SHANK1: variants seen among roughly 807,000 people sequenced by gnomAD.
SHANK1 encodes the protein SH3 and multiple ankyrin repeat domains 1, also known as SH3 and multiple ankyrin repeat domains protein 1.
A neutral mutation model predicts 165.6 loss-of-function variants in SHANK1; 35 were observed. That is an observed-to-expected ratio of 0.21 (90% CI 0.16 to 0.28). The LOEUF is 0.28. Ranked by LOEUF, SHANK1 falls within the 10% of genes least tolerant of loss-of-function variation. The probability of loss-of-function intolerance (pLI) is 1.00; values close to 1 mark genes in which losing one functional copy is unlikely to be tolerated. For missense variants in SHANK1, 2,681 were observed against 3,036.4 expected (o/e 0.88, Z 2.75); for synonymous variants, 1,428 against 1,384.8 (o/e 1.03, Z -0.69).
In SHANK1 at chr19:50,693,078, G is replaced by A. The variant is rs184898331; in HGVS notation, c.1965-3799C>T. On this transcript the variant is annotated intron_variant, in intron 15 of 23. Coordinates refer to ENST00000293441, the MANE Select transcript of SHANK1 (RefSeq NM_016148.5). Reference sequence around the variant, plus strand: ...TTCCTGGGTACCCTCTTTTGCATCCGTGGAAACCTCCACCTATTTCTGCCC... The same window carrying A: ...TTCCTGGGTACCCTCTTTTGCATCCATGGAAACCTCCACCTATTTCTGCCC... 6.0e-3 allele frequency among the ~76,000 whole-genome samples: 847 copies of A among 141,664 alleles called. 4 individuals are homozygous for A. Among genetic ancestry groups the A allele is most frequent in the South Asian group, 0.012 (55 of 4,480 alleles). 92.9% of individuals were successfully genotyped at this position (141,664 alleles called of 152,430 possible).
chr19:50,670,598 G>C lies in SHANK1; in HGVS notation c.2675-1313C>G, dbSNP rs1985752508. ...TCACCATGACTCCCCAGACCCTGCA[G>C]GATCGGGACCCTGTCCCCCCACTGC... On this transcript the variant is annotated intron_variant, in intron 22 of 23. Transcript: ENST00000293441. The surrounding 1 kb of genome is among the most constrained non-coding windows in gnomAD (Gnocchi z 4.1). Among the ~76,000 whole-genome samples, 1 of 152,078 alleles carries C rather than the reference G, an allele frequency of 6.6e-6. No individual in the cohort carries two copies. The highest frequency in any genetic ancestry group is 1.5e-5 in the Non-Finnish European group (1 of 68,022).
rs2089071617 is a variant in SHANK1 at position 50,716,520 on chromosome 19, A to G, written c.256-42T>C. On this transcript the variant is annotated intron_variant, in intron 2 of 23. Transcript: ENST00000293441. The surrounding 1 kb of genome is among the most constrained non-coding windows in gnomAD (Gnocchi z 8.4). The stretch of plus-strand genomic sequence containing the variant: ...TAGGGGCTAGGGTGGGCCAGGGGCC[A>G]GAGGAGAGCCTGAGGTGGGTTGGGA... The G allele has an allele frequency of 1.2e-6, 2 of 1,606,812 alleles. No individual in the cohort carries two copies. Among genetic ancestry groups the G allele is most frequent in the East Asian group, 2.2e-5 (1 of 44,754 alleles).
At position 50,713,770 on chromosome 19, in the gene SHANK1, C is replaced by A. The variant is rs772785292; in HGVS notation, c.792+28G>T. ...GGGAAAAGGAGAGAGGGCCCCATGG[C>A]GGGGATGGGGGGTCCCCGAAGCCTC... is the stretch of plus-strand genomic sequence containing the variant. On this transcript the variant is annotated intron_variant, in intron 6 of 23. Transcript: ENST00000293441. This position sits in a 1 kb window ranked among gnomAD's most constrained non-coding sequence, Gnocchi z 6.2. 6.2e-7 allele frequency: 1 copy of A among 1,609,700 alleles called. No individual in the cohort carries two copies. The highest frequency in any genetic ancestry group is 8.5e-7 in the Non-Finnish European group (1 of 1,178,134).
rs2123083327 is a variant in SHANK1 at position 50,668,485 on chromosome 19, T to C, written c.3475A>G (p.Ile1159Val). The C allele has an allele frequency of 5.2e-6, 7 of 1,342,512 alleles. No homozygotes were observed. The highest frequency in any genetic ancestry group is 6.7e-6 in the Non-Finnish European group (7 of 1,046,382). 83.2% of individuals were successfully genotyped at this position (1,342,512 alleles called of 1,614,324 possible). The change falls in exon 23 of 24, where the codon ATC (isoleucine) becomes GTC (valine). Residue 1159 changes from isoleucine to valine, a missense_variant. By Grantham distance (29) the Ile-to-Val change is conservative (BLOSUM62 3). Coordinates refer to ENST00000293441, the MANE Select transcript of SHANK1 (RefSeq NM_016148.5). ...CTACTGGTGGACGGGGCCTTGATGA[T>C]GATGGTGGGGATGGGGATGGAGTTC... ...EKNSIPIPTI[I>V]IKAPSTSSSG...
chr19:50,714,059 TC>T (rs2089040917), intron 5 of SHANK1, 110 bp from the exon 6 acceptor site: 2 of 1,534,110 alleles, frequency 1.3e-6, no homozygotes, highest in African/African-American at 1.4e-5. Flanking sequence ...CCCCGTGGCC[TC>T]CCCCTTGGAC....
rs371374652 is a variant in SHANK1, at chr19:50,713,970, G to C, written c.641-21C>G. The C allele has an allele frequency of 6.2e-7, 1 of 1,613,226 alleles. No individual in the cohort carries two copies. On this transcript the variant is annotated intron_variant, in intron 5 of 23. Transcript: ENST00000293441. The surrounding 1 kb of genome is among the most constrained non-coding windows in gnomAD (Gnocchi z 6.2). Reference sequence around the variant, plus strand: ...GGTCTCTGAAGGGCGGGAAAAGCTGGTCACATGAAGCCCCTTCTCCTCCCC... The same window carrying C: ...GGTCTCTGAAGGGCGGGAAAAGCTGCTCACATGAAGCCCCTTCTCCTCCCC...
chr19:50,662,752 G>A lies in SHANK1; in HGVS notation c.5769-70C>T. On this transcript the variant is annotated intron_variant, in intron 23 of 23. Transcript: ENST00000293441. The surrounding 1 kb of genome is among the most constrained non-coding windows in gnomAD (Gnocchi z 7.7). Reference sequence around the variant, plus strand: ...GGGCAAGGGCAGGGGTGAGAAAGAGGCAGAGGTCAAGATATAGGGAGAGAG... The same window carrying A: ...GGGCAAGGGCAGGGGTGAGAAAGAGACAGAGGTCAAGATATAGGGAGAGAG... The A allele has an allele frequency of 6.5e-6, 10 of 1,527,550 alleles. No homozygotes were observed. Among genetic ancestry groups the A allele is most frequent in the Non-Finnish European group, 8.9e-6 (10 of 1,128,426 alleles). 94.6% of individuals were successfully genotyped at this position (1,527,550 alleles called of 1,614,324 possible). A position where few individuals can be genotyped will look rare whatever the true frequency, so the allele number is the denominator to read the frequency against.
At chr19:50,693,433 G>A (rs1397351900) in intron 15 of SHANK1, among the ~76,000 whole-genome samples, 1 of 148,676 alleles carries the variant, frequency 6.7e-6, no homozygotes, top group Admixed American at 6.8e-5. Context: ...CCCTCTGGCT[G>A]ACTACCTGCC....
rs1178319684 is a variant in SHANK1, at chr19:50,679,719, TA to T, written c.2577+6517del. ...CTAAGGAGGCAGCCCTGAGAGGGGATAGGGGAGAGAATGGACGGGGAGACAA... is the reference window on the plus strand; with the variant it reads ...CTAAGGAGGCAGCCCTGAGAGGGGATGGGGAGAGAATGGACGGGGAGACAA... On this transcript the variant is annotated intron_variant, in intron 21 of 23. Coordinates refer to ENST00000293441, the MANE Select transcript of SHANK1 (RefSeq NM_016148.5). Among the ~76,000 whole-genome samples, 9 of 151,250 alleles carry T rather than the reference TA, an allele frequency of 6.0e-5. No homozygotes were observed. The East Asian group carries it at 1.6e-3, about 26-fold the overall frequency.
At chr19:50,671,222 C>G (rs1340600300) in intron 22 of SHANK1, among the ~76,000 whole-genome samples, 1 of 116,236 alleles carries the variant, frequency 8.6e-6, no homozygotes, top group South Asian at 2.7e-4. Flanking sequence ...GTTGCTCTGT[C>G]GCCCAGGCTG....
chr19:50,692,456 GAT>G lies in SHANK1; in HGVS notation c.1965-3179_1965-3178del, dbSNP rs142402078. On this transcript the variant is annotated intron_variant, in intron 15 of 23. Transcript: ENST00000293441. Reference sequence around the variant, plus strand: ...TCAAAGCCAAGATTTGAATTCACCAGATATATATATATATATACACACACACA... The same window carrying G: ...TCAAAGCCAAGATTTGAATTCACCAGATATATATATATATACACACACACA... Among the ~76,000 whole-genome samples the G allele has an allele frequency of 3.1e-4, 40 of 128,624 alleles. No homozygotes were observed. The East Asian group carries it at 3.3e-3, about 11-fold the overall frequency. 84.4% of individuals were successfully genotyped at this position (128,624 alleles called of 152,430 possible).
In SHANK1 at chr19:50,715,602, TA is replaced by T. The variant is rs1440031577; in HGVS notation, c.531+56del. On this transcript the variant is annotated intron_variant, in intron 4 of 23. Transcript: ENST00000293441. The stretch of plus-strand genomic sequence containing the variant: ...GAGGTGGGGAGAGAAAGTGGTTGGG[TA>T]GGGGGCTCCAGTGGTAGGGGGCTAT... 2.9e-6 allele frequency: 4 copies of T among 1,382,932 alleles called. No homozygotes were observed. In the African/African-American group the frequency reaches 6.5e-5, roughly 22 times the overall value. 85.7% of individuals were successfully genotyped at this position (1,382,932 alleles called of 1,614,324 possible). A position where few individuals can be genotyped will look rare whatever the true frequency, so the allele number is the denominator to read the frequency against.
rs1396875086 is a variant in SHANK1, at chr19:50,659,940, C to T, written c.*2025G>A. Among the ~76,000 whole-genome samples, 1 of 150,596 alleles carries T rather than the reference C, an allele frequency of 6.6e-6. No individual in the cohort carries two copies. The highest frequency in any genetic ancestry group is 2.4e-5 in the African/African-American group (1 of 40,936). Reference sequence around the variant, plus strand: ...CCTCTGCCCCTCTCTCACCACCCCTCCCCCCTCCCACGACCCTCCCACGAG... The same window carrying T: ...CCTCTGCCCCTCTCTCACCACCCCTTCCCCCTCCCACGACCCTCCCACGAG... On this transcript the variant is annotated 3_prime_UTR_variant, in exon 24 of 24. Transcript: ENST00000293441.
intron 15 of SHANK1, among the ~76,000 whole-genome samples, chr19:50,691,981 A>G (rs557162795): frequency 6.6e-6 from 1 of 152,272 alleles, no homozygotes; most frequent in African/African-American, 2.4e-5. Context: ...TGCCACACCC[A>G]GCCCTAGTTT....
Position 50,686,790 on chromosome 19 carries a change from C to T in SHANK1, c.2412G>A (p.Pro804=), listed in dbSNP as rs776918094. 11 of 1,613,620 alleles carry T rather than the reference C, an allele frequency of 6.8e-6. No homozygotes were observed. Among genetic ancestry groups the T allele is most frequent in the South Asian group, 5.5e-5 (5 of 91,082 alleles). Residue 804 remains proline (P), a synonymous_variant, in exon 20 of 24, where the codon CCG becomes CCA. Coordinates refer to ENST00000293441, the MANE Select transcript of SHANK1 (RefSeq NM_016148.5). The surrounding 1 kb of genome is among the most constrained non-coding windows in gnomAD (Gnocchi z 5.7). Reference sequence around the variant, plus strand: ...TCCGCTTTTTCTCCATGCTGGGCACCGGCGCCGGCTGCTGCTCGTACTCTG... The same window carrying T: ...TCCGCTTTTTCTCCATGCTGGGCACTGGCGCCGGCTGCTGCTCGTACTCTG... The part of the protein sequence containing the change: ...EEMEYEQQPA[P]VPSMEKKRTV...
Position 50,708,491 on chromosome 19 carries a change from C to G in SHANK1, c.1077+2880G>C, listed in dbSNP as rs568070550. Among the ~76,000 whole-genome samples, 10 of 151,958 alleles carry G rather than the reference C, an allele frequency of 6.6e-5. No homozygotes were observed. In the South Asian group the frequency reaches 1.7e-3, roughly 25 times the overall value. On this transcript the variant is annotated intron_variant, in intron 8 of 23. Coordinates refer to ENST00000293441, the MANE Select transcript of SHANK1 (RefSeq NM_016148.5). ...CACCAGACTGTGAACTCCCACCCCC[C>G]CCAACCCCGCCCTCGCCCTCCCCAG...
In SHANK1 at chr19:50,662,755, G is replaced by A; in HGVS notation, c.5769-73C>T. The A allele has an allele frequency of 6.6e-7, 1 of 1,522,628 alleles. No homozygotes were observed. Among genetic ancestry groups the A allele is most frequent in the East Asian group, 2.5e-5 (1 of 40,776 alleles). The allele number at this position is 1,522,628 out of a possible 1,614,324, so 94.3% of individuals were successfully genotyped here. A position where few individuals can be genotyped will look rare whatever the true frequency, so the allele number is the denominator to read the frequency against. ...CAAGGGCAGGGGTGAGAAAGAGGCA[G>A]AGGTCAAGATATAGGGAGAGAGGAG... On this transcript the variant is annotated intron_variant, in intron 23 of 23. Transcript: ENST00000293441. This position sits in a 1 kb window ranked among gnomAD's most constrained non-coding sequence, Gnocchi z 7.7.
At chr19:50,687,363 C>G (rs979165778) in intron 19 of SHANK1, among the ~76,000 whole-genome samples, 1 of 151,988 alleles carries the variant, frequency 6.6e-6, no homozygotes, top group Non-Finnish European at 1.5e-5. Flanking sequence ...GAGAGAGACC[C>G]CAACGGAGAA....
In SHANK1 at chr19:50,666,959, A is replaced by C. The variant is rs764159861; in HGVS notation, c.5001T>G (p.Pro1667=). 2.5e-6 allele frequency: 4 copies of C among 1,594,854 alleles called. No homozygotes were observed. In the East Asian group the frequency reaches 9.0e-5, roughly 36 times the overall value. The change falls in exon 23 of 24, where the codon CCT becomes CCG. Residue 1667 remains proline, a synonymous_variant. Transcript: ENST00000293441. ...APAAPQPGPD[P]PPGTDSGIEE... ...CGATGCCAGAATCCGTGCCAGGCGG[A>C]GGGTCCGGGCCAGGCTGTGGGGCAG...
Sources: gnomAD v4.1 joint callset for allele counts (sites outside exome capture counted in the v4.1 genomes callset) on GRCh38, gnomAD v4.1.1 for gene constraint, Gnocchi (gnomAD v3.1) non-coding constraint, MANE v1.5 for transcripts, NCBI Gene and HGNC (gene_info 2026-07-23, HGNC 2026-07-21) for gene names.